The following HDAC4 variants were observed in gnomAD, a reference collection of about 807,000 sequenced individuals.
HDAC4 encodes the protein histone deacetylase 4.
Under a neutral mutation model 135.1 loss-of-function variants are expected in HDAC4, and 16 were observed. The ratio of observed to expected loss-of-function variants is 0.12; its 90% CI spans 0.08 to 0.18. The LOEUF (loss-of-function observed/expected upper bound fraction) is 0.18. Ranked by LOEUF, HDAC4 falls within the 10% of genes least tolerant of loss-of-function variation. The pLI, the probability that HDAC4 is intolerant of heterozygous loss-of-function variation, is 1.00. For missense variants in HDAC4, 1,143 were observed against 1,511.8 expected (o/e 0.76, Z 4.05); for synonymous variants, 685 against 653.4 (o/e 1.05, Z -0.74).
At chr2:239,192,195 T>C (rs1230945882) in intron 3 of HDAC4, among the ~76,000 whole-genome samples, 1 of 105,968 alleles carries the variant, frequency 9.4e-6, no homozygotes, top group Non-Finnish European at 1.8e-5. Flanking sequence ...GGGTGAGGAC[T>C]GTTCCATGTG....
intron 24 of HDAC4, among the ~76,000 whole-genome samples, chr2:239,061,985 C>G (rs1175481730): frequency 6.6e-6 from 1 of 152,228 alleles, no homozygotes; most frequent in East Asian, 1.9e-4. Context: ...GGGGCACGGG[C>G]CTGGGCCACA....
In HDAC4 at chr2:239,352,974, G is replaced by A; in HGVS notation, c.-219-56C>T. 1 of 482,126 alleles carries A rather than the reference G, an allele frequency of 2.1e-6. No individual in the cohort carries two copies. The allele number at this position is 482,126 out of a possible 1,614,324, so 29.9% of individuals were successfully genotyped here. A position where few individuals can be genotyped will look rare whatever the true frequency, so the allele number is the denominator to read the frequency against. Reference sequence around the variant, plus strand: ...AGTTACAACATGGAAGTTCCGATCTGGAAAACAACATCCAACTAGGGAAAT... The same window carrying A: ...AGTTACAACATGGAAGTTCCGATCTAGAAAACAACATCCAACTAGGGAAAT... On this transcript the variant is annotated intron_variant, in intron 1 of 26. Coordinates refer to ENST00000543185, the MANE Select transcript of HDAC4 (RefSeq NM_001378414.1). The surrounding 1 kb of genome is among the most constrained non-coding windows in gnomAD (Gnocchi z 4.4).
chr2:239,150,080 G>A (rs2042013911), intron 7 of HDAC4, among the ~76,000 whole-genome samples: 1 of 152,108 alleles, frequency 6.6e-6, no homozygotes, highest in Non-Finnish European at 1.5e-5. Context: ...AAGGCGTTGA[G>A]CTTCATACGT....
intron 7 of HDAC4, among the ~76,000 whole-genome samples, chr2:239,154,125 C>A (rs1442178059): frequency 6.6e-6 from 1 of 152,150 alleles, no homozygotes; most frequent in Non-Finnish European, 1.5e-5. Flanking sequence ...AGGAACTGCT[C>A]TGGGGCCTGA....
Position 239,339,538 on chromosome 2 carries a change from G to A in HDAC4, c.22+13140C>T, listed in dbSNP as rs531831343. 5.5e-4 allele frequency among the ~76,000 whole-genome samples: 84 copies of A among 152,340 alleles called. 1 individual carries two copies. Among genetic ancestry groups the A allele is most frequent in the African/African-American group, 2.0e-3 (84 of 41,578 alleles). The stretch of plus-strand genomic sequence containing the variant: ...CCAAAGCCATGCTCTCTCGGGTGAT[G>A]TGAGCAACTCAACGGAGACCTACGT... On this transcript the variant is annotated intron_variant, in intron 2 of 26. Coordinates refer to ENST00000543185, the MANE Select transcript of HDAC4 (RefSeq NM_001378414.1).
intron 3 of HDAC4, among the ~76,000 whole-genome samples, chr2:239,215,217 A>C (rs987657317): frequency 2.6e-4 from 39 of 152,274 alleles, no homozygotes; most frequent in African/African-American, 9.1e-4. Context: ...AAACCCACCA[A>C]GGCACCTGAG....
rs925987461 is a variant in HDAC4 at position 239,054,698 on chromosome 2, G to C, written c.3088+51C>G. The C allele has an allele frequency of 6.0e-6, 7 of 1,166,372 alleles. No homozygotes were observed. The African/African-American group carries it at 9.1e-5, about 15-fold the overall frequency. 72.3% of individuals were successfully genotyped at this position (1,166,372 alleles called of 1,614,324 possible). A position where few individuals can be genotyped will look rare whatever the true frequency, so the allele number is the denominator to read the frequency against. ...GGGGACAGGGATGGGGTGTGGTGCA[G>C]TCCCACCCCCAGGGGCGTGTCCCCT... On this transcript the variant is annotated intron_variant, in intron 25 of 26. Coordinates refer to ENST00000543185, the MANE Select transcript of HDAC4 (RefSeq NM_001378414.1).
At chr2:239,084,123 T>A in intron 20 of HDAC4, 32 bp downstream of exon 20, 1 of 1,543,004 alleles carries the variant, frequency 6.5e-7, no homozygotes, top group Non-Finnish European at 8.9e-7. Context: ...AGGAGCAACC[T>A]GAGCTGCGCT....
chr2:239,098,184 A>G (rs2037289432), intron 16 of HDAC4, among the ~76,000 whole-genome samples: 1 of 152,250 alleles, frequency 6.6e-6, no homozygotes, highest in South Asian at 2.1e-4. Flanking sequence ...ATGGAGTTAT[A>G]GGCAGAGTTT....
At chr2:239,371,775 T>G (rs576673062) in intron 1 of HDAC4, among the ~76,000 whole-genome samples, 3 of 152,310 alleles carry the variant, frequency 2.0e-5, no homozygotes, top group African/African-American at 7.2e-5. Context: ...CCTTTACCTG[T>G]GGTCCCTCAA....
chr2:239,222,589 G>A (rs6543518), intron 3 of HDAC4, among the ~76,000 whole-genome samples: 30,967 of 148,726 alleles, frequency 0.21, 5,226 homozygotes, highest in African/African-American at 0.44. Flanking sequence ...ATACAGAAGC[G>A]CAGCCATGAA....
intron 12 of HDAC4, among the ~76,000 whole-genome samples, chr2:239,120,625 A>C (rs2039597407): frequency 1.4e-5 from 1 of 72,196 alleles, no homozygotes; most frequent in Non-Finnish European, 2.8e-5. Context: ...GGGGAAGGGA[A>C]ATAGGGGGAG....
At chr2:239,162,404 T>G (rs2042861689) in intron 6 of HDAC4, 1 of 452,614 alleles carries the variant, frequency 2.2e-6, no homozygotes, top group Admixed American at 2.4e-5. Flanking sequence ...TGAACCACGA[T>G]CCACACTCCT....
At chr2:239,346,680 ACACT>A (rs144969877) in intron 2 of HDAC4, among the ~76,000 whole-genome samples, 3 of 151,178 alleles carry the variant, frequency 2.0e-5, no homozygotes, top group Non-Finnish European at 4.4e-5. Context: ...TAAAACACAC[ACACT>A]GTCTAAAACA....
intron 4 of HDAC4, among the ~76,000 whole-genome samples, chr2:239,177,619 T>C (rs1264909713): frequency 1.3e-5 from 2 of 152,138 alleles, no homozygotes; most frequent in Admixed American, 6.5e-5. Flanking sequence ...GTATAAATTA[T>C]ATCTCATATT....
chr2:239,332,831 A>G (rs1010596522), intron 2 of HDAC4, among the ~76,000 whole-genome samples: 1 of 152,182 alleles, frequency 6.6e-6, no homozygotes, highest in East Asian at 1.9e-4. Context: ...GCAAAGTCCA[A>G]TGAAGGAAAA....
intron 3 of HDAC4, among the ~76,000 whole-genome samples, chr2:239,199,381 TCCCATCAGC>T (rs746394431): frequency 3.3e-4 from 50 of 152,256 alleles, no homozygotes; most frequent in South Asian, 2.5e-3. Flanking sequence ...GCTCTTCGAG[TCCCATCAGC>T]CCCTCTCCAT....
chr2:239,332,422 A>G (rs890720271), intron 2 of HDAC4, among the ~76,000 whole-genome samples: 1 of 152,226 alleles, frequency 6.6e-6, no homozygotes, highest in African/African-American at 2.4e-5. Context: ...CTAGAAATCA[A>G]TAACAAAATG....
intron 2 of HDAC4, among the ~76,000 whole-genome samples, chr2:239,247,096 A>T (rs1237645257): frequency 6.6e-6 from 1 of 152,260 alleles, no homozygotes; most frequent in Non-Finnish European, 1.5e-5. Context: ...ATGAAAGGTG[A>T]TGCAGCTATC....
Sources: gnomAD v4.1 joint callset for allele counts (sites outside exome capture counted in the v4.1 genomes callset) on GRCh38, gnomAD v4.1.1 for gene constraint, Gnocchi (gnomAD v3.1) non-coding constraint, MANE v1.5 for transcripts, NCBI Gene and HGNC (gene_info 2026-07-23, HGNC 2026-07-21) for gene names.